PDE10A: variants seen among roughly 807,000 people sequenced by gnomAD.
PDE10A encodes cAMP and cAMP-inhibited cGMP 3',5'-cyclic phosphodiesterase 10A.
Under a neutral mutation model 97.7 loss-of-function variants are expected in PDE10A, and 39 were observed. The observed-to-expected ratio is 0.40, with a 90% CI of 0.31 to 0.52. The LOEUF is 0.52. Ranked by LOEUF, PDE10A falls within the 20% of genes least tolerant of loss-of-function variation. The probability of loss-of-function intolerance (pLI) is 0.56; values close to 1 mark genes in which losing one functional copy is unlikely to be tolerated. For synonymous variants in PDE10A, 371 were observed against 376.8 expected, an observed-to-expected ratio of 0.98 and a Z score of 0.18; for missense variants, 731 against 1,047.8, an observed-to-expected ratio of 0.70 and a Z score of 4.17.
chr6:165,480,888 A>G (rs1779569820), intron 3 of PDE10A, among the ~76,000 whole-genome samples: 2 of 152,230 alleles, frequency 1.3e-5, no homozygotes, highest in South Asian at 4.1e-4. Context: ...AAAACGTTAT[A>G]GAGATCTTGG....
chr6:165,345,586 T>A (rs1413072518), intron 18 of PDE10A, among the ~76,000 whole-genome samples: 1 of 152,160 alleles, frequency 6.6e-6, no homozygotes, highest in Non-Finnish European at 1.5e-5. Context: ...TGTGAAAGGA[T>A]CATGTTCATG....
chr6:165,612,642 T>C (rs1158480255), intron 1 of PDE10A, among the ~76,000 whole-genome samples: 1 of 152,190 alleles, frequency 6.6e-6, no homozygotes, highest in Non-Finnish European at 1.5e-5. Flanking sequence ...GTGCTGGGAT[T>C]ACCAGCGTGA....
chr6:165,483,295 A>G (rs1779710283), intron 2 of PDE10A, among the ~76,000 whole-genome samples: 1 of 152,236 alleles, frequency 6.6e-6, no homozygotes, highest in Non-Finnish European at 1.5e-5. Flanking sequence ...AATGTAGCTC[A>G]ATGCTATAGG....
Position 165,553,819 on chromosome 6 carries a change from C to T in PDE10A, c.866-10251G>A, listed in dbSNP as rs140776982. Among the ~76,000 whole-genome samples the T allele has an allele frequency of 2.0e-5, 3 of 152,226 alleles. No individual in the cohort carries two copies. In the East Asian group the frequency reaches 5.8e-4, roughly 29 times the overall value. ...GAAAGTCAACTACAAACTTGAGCTG[C>T]TCAAAATGATAACATAAAGATGAAA... On this transcript the variant is annotated intron_variant, in intron 1 of 21. Coordinates refer to ENST00000539869, the MANE Select transcript of PDE10A (RefSeq NM_001385079.1).
intron 13 of PDE10A, among the ~76,000 whole-genome samples, chr6:165,411,321 A>G (rs551354961): frequency 1.1e-4 from 17 of 152,104 alleles, no homozygotes; most frequent in Non-Finnish European, 4.4e-5. Context: ...CTGTATTTAG[A>G]GATAGGGCCT....
chr6:165,915,619 A>G (rs1263152189), intron 1 of PDE10A, among the ~76,000 whole-genome samples: 1 of 152,160 alleles, frequency 6.6e-6, no homozygotes, highest in Non-Finnish European at 1.5e-5. Flanking sequence ...CAGTGATGAG[A>G]TGAGCCGGTA....
At chr6:165,367,353 C>T (rs1306711299) in intron 18 of PDE10A, among the ~76,000 whole-genome samples, 1 of 151,572 alleles carries the variant, frequency 6.6e-6, no homozygotes, top group Admixed American at 6.6e-5. Flanking sequence ...TGAGATTAGA[C>T]AGATCACAAC....
At chr6:165,553,571 G>A (rs1224285702) in intron 1 of PDE10A, among the ~76,000 whole-genome samples, 1 of 152,106 alleles carries the variant, frequency 6.6e-6, no homozygotes, top group Non-Finnish European at 1.5e-5. Flanking sequence ...AATGAGCCTT[G>A]GTTTAATATA....
chr6:165,524,208 A>G (rs569545383), intron 2 of PDE10A, among the ~76,000 whole-genome samples: 4 of 152,294 alleles, frequency 2.6e-5, no homozygotes, highest in Admixed American at 6.5e-5. Flanking sequence ...CTATGGATAT[A>G]TATCTCCTAT....
chr6:165,923,126 A>G (rs1782802543), intron 1 of PDE10A, among the ~76,000 whole-genome samples: 1 of 152,246 alleles, frequency 6.6e-6, no homozygotes, highest in African/African-American at 2.4e-5. Context: ...ATGGGAGCAG[A>G]GATGAACAAT....
chr6:165,688,738 C>T (rs1037311665), intron 1 of PDE10A, among the ~76,000 whole-genome samples: 3 of 152,092 alleles, frequency 2.0e-5, no homozygotes, highest in Non-Finnish European at 1.5e-5. Flanking sequence ...AATATATAGC[C>T]AAACTTTATA....
At chr6:165,333,562 C>A (rs1781466005) in intron 21 of PDE10A, among the ~76,000 whole-genome samples, 1 of 152,148 alleles carries the variant, frequency 6.6e-6, no homozygotes, top group Non-Finnish European at 1.5e-5. Flanking sequence ...TCCCAGGAGG[C>A]CTAAACCTCA....
intron 1 of PDE10A, among the ~76,000 whole-genome samples, chr6:165,967,239 CT>C (rs1346933461): frequency 9.9e-5 from 15 of 152,178 alleles, no homozygotes; most frequent in African/African-American, 3.6e-4. Context: ...TGGTTCACGC[CT>C]GTAATCTTAA....
rs569502149 is a variant in PDE10A, at chr6:165,614,977, C to T, written c.865+46970G>A. Among the ~76,000 whole-genome samples, 28 of 152,034 alleles carry T rather than the reference C, an allele frequency of 1.8e-4. No individual in the cohort carries two copies. In the East Asian group the frequency reaches 5.0e-3, roughly 27 times the overall value. ...CTGTAATACTAGCACTCTGTGAGGC[C>T]GAGGCGGGCAGATCACGAGGTCAGG... On this transcript the variant is annotated intron_variant, in intron 1 of 21. Coordinates refer to ENST00000539869, the MANE Select transcript of PDE10A (RefSeq NM_001385079.1).
intron 1 of PDE10A, among the ~76,000 whole-genome samples, chr6:165,848,873 G>A (rs1780496039): frequency 1.3e-5 from 2 of 152,262 alleles, no homozygotes; most frequent in South Asian, 4.1e-4. Flanking sequence ...GGTGGGGCAG[G>A]AGAGAATCTG....
At chr6:165,954,586 G>T (rs1245961045) in intron 1 of PDE10A, among the ~76,000 whole-genome samples, 1 of 152,128 alleles carries the variant, frequency 6.6e-6, no homozygotes, top group African/African-American at 2.4e-5. Context: ...TGCCAGCATT[G>T]TCATCAAAGG....
intron 1 of PDE10A, among the ~76,000 whole-genome samples, chr6:165,715,856 C>G (rs557160040): frequency 3.9e-5 from 6 of 152,180 alleles, no homozygotes; most frequent in Non-Finnish European, 8.8e-5. Context: ...TGTGGCATCA[C>G]GAATGTTACT....
intron 1 of PDE10A, among the ~76,000 whole-genome samples, chr6:165,560,177 TA>T (rs1391221158): frequency 2.0e-5 from 3 of 152,216 alleles, no homozygotes; most frequent in Admixed American, 6.5e-5. Flanking sequence ...TAAGAGCAGA[TA>T]TTTTTTTTCT....
chr6:165,488,029 CA>C (rs58319021), intron 2 of PDE10A, among the ~76,000 whole-genome samples: 3,858 of 83,126 alleles, frequency 0.046, 65 homozygotes, highest in African/African-American at 0.11. Flanking sequence ...AACAAATTGG[CA>C]AAAAAAAAAA....
Sources: gnomAD v4.1 joint callset for allele counts (sites outside exome capture counted in the v4.1 genomes callset) on GRCh38, gnomAD v4.1.1 for gene constraint, MANE v1.5 for transcripts, NCBI Gene and HGNC (gene_info 2026-07-23, HGNC 2026-07-21) for gene names.